Variants in MSI2 observed in about 807,000 individuals in gnomAD.
MSI2 encodes musashi RNA binding protein 2.
Under a neutral mutation model 45.6 loss-of-function variants are expected in MSI2, and 17 were observed. That is an observed-to-expected ratio of 0.37 (90% CI 0.26 to 0.56). MSI2 has a LOEUF of 0.56. Ranked by LOEUF, MSI2 falls within the 20% of genes least tolerant of loss-of-function variation. MSI2 has a pLI of 0.77. For missense variants in MSI2, 293 were observed against 444.2 expected (o/e 0.66, Z 3.06); for synonymous variants, 156 against 158.2 (o/e 0.99, Z 0.11).
chr17:57,351,900 A>G (rs1190285416), intron 5 of MSI2, among the ~76,000 whole-genome samples: 1 of 152,194 alleles, frequency 6.6e-6, no homozygotes, highest in Non-Finnish European at 1.5e-5. Flanking sequence ...CCACACACAC[A>G]CAAAGTTTGT....
At chr17:57,321,821 G>T (rs1913367182) in intron 5 of MSI2, among the ~76,000 whole-genome samples, 1 of 151,458 alleles carries the variant, frequency 6.6e-6, no homozygotes, top group South Asian at 2.1e-4. Flanking sequence ...TTTTGAGACT[G>T]GGTCTCATTC....
intron 7 of MSI2, among the ~76,000 whole-genome samples, chr17:57,548,898 T>TCCCCCCCCCCC (rs758120237): frequency 3.6e-4 from 44 of 121,352 alleles, no homozygotes; most frequent in Non-Finnish European, 4.6e-4. Flanking sequence ...TGTTTACCCT[T>TCCCCCCCCCCC]CCCCCCCCCA....
chr17:57,687,634 C>T (rs964419403), downstream of MSI2, among the ~76,000 whole-genome samples: 9 of 151,956 alleles, frequency 5.9e-5, no homozygotes, highest in Non-Finnish European at 7.4e-5. Flanking sequence ...TAGACTGGAT[C>T]CAAATGAGTT....
chr17:57,308,974 C>T (rs1373527302), intron 5 of MSI2, among the ~76,000 whole-genome samples: 1 of 152,134 alleles, frequency 6.6e-6, no homozygotes, highest in Non-Finnish European at 1.5e-5. Flanking sequence ...AGAGCTGTCA[C>T]CTGGCAGGCT....
intron 5 of MSI2, among the ~76,000 whole-genome samples, chr17:57,342,381 A>T (rs149309156): frequency 9.2e-5 from 14 of 152,284 alleles, no homozygotes; most frequent in African/African-American, 3.4e-4. Context: ...CCAAATCTTC[A>T]TGTTGGTCTG....
At chr17:57,345,250 G>A (rs1194540559) in intron 5 of MSI2, among the ~76,000 whole-genome samples, 2 of 151,900 alleles carry the variant, frequency 1.3e-5, no homozygotes, top group Admixed American at 6.6e-5. Context: ...TCAGTTTCAG[G>A]GTTTTCTTCC....
At chr17:57,334,354 G>C (rs1007864590) in intron 5 of MSI2, among the ~76,000 whole-genome samples, 4 of 152,126 alleles carry the variant, frequency 2.6e-5, no homozygotes, top group Non-Finnish European at 5.9e-5. Flanking sequence ...ATTAAAAATG[G>C]CAAGCCTCAC....
chr17:57,561,599 T>G (rs1423946504), intron 7 of MSI2, among the ~76,000 whole-genome samples: 1 of 152,076 alleles, frequency 6.6e-6, no homozygotes, highest in East Asian at 1.9e-4. Flanking sequence ...TGGGCCCCTT[T>G]TGGGGTAGGA....
At chr17:57,295,021 T>C (rs553292642) in intron 5 of MSI2, among the ~76,000 whole-genome samples, 19 of 151,996 alleles carry the variant, frequency 1.3e-4, no homozygotes, top group African/African-American at 4.6e-4. Flanking sequence ...GAGTCGTTTC[T>C]GGGGAGAGCC....
At chr17:57,432,921 C>T (rs574745230) in intron 6 of MSI2, among the ~76,000 whole-genome samples, 1 of 152,210 alleles carries the variant, frequency 6.6e-6, no homozygotes, top group Non-Finnish European at 1.5e-5. Flanking sequence ...TTGCTCCAAC[C>T]TGTGTTGCCC....
intron 6 of MSI2, among the ~76,000 whole-genome samples, chr17:57,447,896 C>A (rs1482202291): frequency 6.6e-6 from 1 of 152,092 alleles, no homozygotes; most frequent in African/African-American, 2.4e-5. Flanking sequence ...GAGATGAGAC[C>A]AAGATACTTC....
chr17:57,528,995 A>G (rs575690521), intron 6 of MSI2, among the ~76,000 whole-genome samples: 2 of 152,212 alleles, frequency 1.3e-5, no homozygotes, highest in Non-Finnish European at 2.9e-5. Flanking sequence ...GGAAATATGC[A>G]TCGGTCAAGA....
At position 57,268,710 on chromosome 17, in the gene MSI2, C is replaced by T. The variant is rs189348326; in HGVS notation, c.312+6518C>T. On this transcript the variant is annotated intron_variant, in intron 5 of 13. Coordinates refer to ENST00000284073, the MANE Select transcript of MSI2 (RefSeq NM_138962.4). ...AATTAGCCAGGCATGGTGGCGGGCA[C>T]CTGTAATCCCAGCTACTCGGGAGGC... 4.2e-3 allele frequency among the ~76,000 whole-genome samples: 633 copies of T among 152,138 alleles called. 1 individual carries two copies. The highest frequency in any genetic ancestry group is 6.8e-3 in the Middle Eastern group (2 of 294).
chr17:57,592,255 C>CT (rs1247804495), intron 7 of MSI2, among the ~76,000 whole-genome samples: 2 of 151,982 alleles, frequency 1.3e-5, no homozygotes, highest in Admixed American at 6.6e-5. Context: ...GAAAAGAAGA[C>CT]TGTGATGCCA....
At chr17:57,383,672 A>C (rs1161256501) in intron 5 of MSI2, among the ~76,000 whole-genome samples, 1 of 152,186 alleles carries the variant, frequency 6.6e-6, no homozygotes, top group African/African-American at 2.4e-5. Flanking sequence ...AAAAAATAAA[A>C]TAATAAAATA....
chr17:57,379,268 A>G (rs1598191808), intron 5 of MSI2, among the ~76,000 whole-genome samples: 1 of 151,144 alleles, frequency 6.6e-6, no homozygotes, highest in African/African-American at 2.4e-5. Flanking sequence ...TGCCTCTACT[A>G]CTCGATCTAC....
intron 4 of MSI2, among the ~76,000 whole-genome samples, chr17:57,259,075 GAAGA>G (rs1029046655): frequency 3.9e-5 from 6 of 152,202 alleles, no homozygotes; most frequent in African/African-American, 1.4e-4. Flanking sequence ...AAGGGGAAGG[GAAGA>G]AAGAGTGTCT....
chr17:57,537,814 C>T (rs905252743), intron 7 of MSI2, among the ~76,000 whole-genome samples: 4 of 152,150 alleles, frequency 2.6e-5, no homozygotes, highest in African/African-American at 4.8e-5. Context: ...ACAGGGTGCC[C>T]GGGGCAAGAG....
At chr17:57,292,772 G>T (rs187851822) in intron 5 of MSI2, among the ~76,000 whole-genome samples, 1 of 152,282 alleles carries the variant, frequency 6.6e-6, no homozygotes, top group Middle Eastern at 3.4e-3. Flanking sequence ...GGGCCAGCAC[G>T]GTTGGAAGAG....
Sources: gnomAD v4.1 joint callset for allele counts (sites outside exome capture counted in the v4.1 genomes callset) on GRCh38, gnomAD v4.1.1 for gene constraint, MANE v1.5 for transcripts, NCBI Gene and HGNC (gene_info 2026-07-23, HGNC 2026-07-21) for gene names.